The following EDIL3 variants were observed in gnomAD, a reference collection of about 807,000 sequenced individuals.
EDIL3 encodes EGF-like repeat and discoidin I-like domain-containing protein 3.
Under a neutral mutation model 67.4 loss-of-function variants are expected in EDIL3, and 37 were observed. The ratio of observed to expected loss-of-function variants is 0.55; its 90% CI spans 0.42 to 0.72. The LOEUF (loss-of-function observed/expected upper bound fraction) is 0.72. Ranked by LOEUF, EDIL3 falls within the 30% of genes least tolerant of loss-of-function variation. The pLI, the probability that EDIL3 is intolerant of heterozygous loss-of-function variation, is 0.00. For missense variants in EDIL3, 527 were observed against 586.3 expected (o/e 0.90, Z 1.04); for synonymous variants, 195 against 196.3 (o/e 0.99, Z 0.05).
chr5:84,213,609 T>C (rs996723376), intron 3 of EDIL3, among the ~76,000 whole-genome samples: 1 of 152,206 alleles, frequency 6.6e-6, no homozygotes, highest in Non-Finnish European at 1.5e-5. Flanking sequence ...ATTAAAACTC[T>C]AGATATTTTC....
At chr5:84,298,240 T>C (rs12187022) in intron 1 of EDIL3, among the ~76,000 whole-genome samples, 2 of 152,156 alleles carry the variant, frequency 1.3e-5, no homozygotes, top group African/African-American at 4.8e-5. Context: ...CAAATGCCCA[T>C]CAATGATAGA....
At chr5:84,222,222 C>T (rs572481624) in intron 3 of EDIL3, among the ~76,000 whole-genome samples, 3 of 151,938 alleles carry the variant, frequency 2.0e-5, no homozygotes, top group South Asian at 2.1e-4. Flanking sequence ...ACACAAAATA[C>T]ATATTTGTTT....
rs776631437 is a variant in EDIL3 at position 83,999,593 on chromosome 5, CA to C, written c.1138-36234del. On this transcript the variant is annotated intron_variant, in intron 9 of 10. Coordinates refer to ENST00000296591, the MANE Select transcript of EDIL3 (RefSeq NM_005711.5). ...GACAGGCTTTATGAAGATACACAGT[CA>C]GGGGAGACAAAAGAAAATAGAATAA... 2.6e-5 allele frequency among the ~76,000 whole-genome samples: 4 copies of C among 151,840 alleles called. No homozygotes were observed. The East Asian group carries it at 7.7e-4, about 29-fold the overall frequency.
At chr5:84,097,842 G>A (rs1481825760) in intron 6 of EDIL3, among the ~76,000 whole-genome samples, 3 of 151,894 alleles carry the variant, frequency 2.0e-5, no homozygotes, top group Non-Finnish European at 4.4e-5. Context: ...AATTGACACT[G>A]CATATCTTGA....
At chr5:84,381,155 C>A (rs1365653106) in intron 1 of EDIL3, among the ~76,000 whole-genome samples, 1 of 151,854 alleles carries the variant, frequency 6.6e-6, no homozygotes, top group Admixed American at 6.6e-5. Context: ...AGTCTTTTCC[C>A]AAAACCATAT....
intron 5 of EDIL3, among the ~76,000 whole-genome samples, chr5:84,109,086 T>C (rs543266383): frequency 6.6e-6 from 1 of 152,338 alleles, no homozygotes; most frequent in Admixed American, 6.5e-5. Context: ...GACTTTGAAC[T>C]GTTGTATTTA....
chr5:84,375,285 AT>A (rs1162434332), intron 1 of EDIL3, among the ~76,000 whole-genome samples: 1 of 152,128 alleles, frequency 6.6e-6, no homozygotes, highest in Non-Finnish European at 1.5e-5. Context: ...GTATTTCTTT[AT>A]AGCAGTGTGA....
At chr5:83,956,121 C>G (rs1293676905) in intron 10 of EDIL3, among the ~76,000 whole-genome samples, 1 of 151,862 alleles carries the variant, frequency 6.6e-6, no homozygotes, top group Admixed American at 6.6e-5. Context: ...TTGTTCCATT[C>G]TACAGTTGCA....
At chr5:84,301,986 T>C (rs1298922089) in intron 1 of EDIL3, among the ~76,000 whole-genome samples, 1 of 152,188 alleles carries the variant, frequency 6.6e-6, no homozygotes, top group Non-Finnish European at 1.5e-5. Flanking sequence ...TGACTTTAAA[T>C]TGTTGCAGAG....
intron 4 of EDIL3, among the ~76,000 whole-genome samples, chr5:84,164,342 G>T (rs1205850978): frequency 1.3e-5 from 2 of 151,964 alleles, no homozygotes; most frequent in Non-Finnish European, 2.9e-5. Context: ...TCATACTTCA[G>T]AAATTATAAA....
intron 10 of EDIL3, among the ~76,000 whole-genome samples, chr5:83,949,084 T>C (rs1449347671): frequency 1.3e-5 from 2 of 151,810 alleles, no homozygotes; most frequent in African/African-American, 4.8e-5. Flanking sequence ...GGGGTTTCTG[T>C]TGGAGCCAGT....
chr5:83,969,927 C>T (rs1027618182), intron 9 of EDIL3, among the ~76,000 whole-genome samples: 1 of 151,492 alleles, frequency 6.6e-6, no homozygotes, highest in African/African-American at 2.4e-5. Flanking sequence ...CTATTTGAAA[C>T]CATATAATAT....
intron 10 of EDIL3, among the ~76,000 whole-genome samples, chr5:83,945,869 A>G (rs1470469276): frequency 2.0e-5 from 3 of 151,986 alleles, no homozygotes; most frequent in African/African-American, 7.2e-5. Context: ...ACAGCCTCAA[A>G]GTACTGAAAA....
At chr5:84,225,507 T>C (rs1430634804) in intron 3 of EDIL3, among the ~76,000 whole-genome samples, 4 of 151,624 alleles carry the variant, frequency 2.6e-5, no homozygotes, top group Non-Finnish European at 5.9e-5. Flanking sequence ...TTTTCAATAA[T>C]TCAAAATATA....
intron 1 of EDIL3, among the ~76,000 whole-genome samples, chr5:84,302,666 C>T (rs1321660652): frequency 6.6e-6 from 1 of 152,164 alleles, no homozygotes. Flanking sequence ...CTCTTCATTT[C>T]CCAAAAATGT....
chr5:84,156,380 C>G (rs577190376), intron 4 of EDIL3, among the ~76,000 whole-genome samples: 1 of 152,258 alleles, frequency 6.6e-6, no homozygotes, highest in African/African-American at 2.4e-5. Flanking sequence ...CCATTTCAGA[C>G]TTTTCCAGAT....
intron 5 of EDIL3, among the ~76,000 whole-genome samples, chr5:84,132,312 T>TAG (rs1342639094): frequency 5.6e-5 from 5 of 88,902 alleles, no homozygotes; most frequent in African/African-American, 2.2e-4. Context: ...ATAATATATA[T>TAG]TATATATATT....
chr5:83,965,104 G>T (rs955621117), intron 9 of EDIL3, among the ~76,000 whole-genome samples: 1 of 152,032 alleles, frequency 6.6e-6, no homozygotes, highest in Non-Finnish European at 1.5e-5. Flanking sequence ...GCACCATAGA[G>T]ATTCTTAGCA....
intron 3 of EDIL3, among the ~76,000 whole-genome samples, chr5:84,190,700 C>T (rs1580369133): frequency 6.6e-6 from 1 of 151,556 alleles, no homozygotes; most frequent in East Asian, 1.9e-4. Flanking sequence ...GCATGTTCTT[C>T]ATCAATCTTT....
Sources: gnomAD v4.1 joint callset for allele counts (sites outside exome capture counted in the v4.1 genomes callset) on GRCh38, gnomAD v4.1.1 for gene constraint, MANE v1.5 for transcripts, NCBI Gene and HGNC (gene_info 2026-07-23, HGNC 2026-07-21) for gene names.